TMPRSS11A: variants seen among roughly 807,000 people sequenced by gnomAD.
TMPRSS11A encodes transmembrane serine protease 11A, also known as transmembrane protease serine 11A.
TMPRSS11A carries 53 observed loss-of-function variants against 58.9 expected under a neutral mutation model. The observed-to-expected ratio is 0.90, with a 90% CI of 0.72 to 1.13. The LOEUF (loss-of-function observed/expected upper bound fraction) is 1.13, where lower values mean the gene tolerates loss of function less well. TMPRSS11A is among the 50% of genes most tolerant of loss of function. TMPRSS11A has a pLI of 0.00. For synonymous variants in TMPRSS11A, 167 were observed against 169.8 expected (o/e 0.98, Z 0.13); for missense variants, 493 against 499.3 (o/e 0.99, Z 0.12).
intron 9 of TMPRSS11A, 102 bp from the exon 10 acceptor site, chr4:67,911,605 C>T: frequency 1.3e-6 from 1 of 773,244 alleles, no homozygotes; most frequent in South Asian, 2.3e-5. Context: ...CTAGACAGTA[C>T]ATGTATAGAC....
chr4:67,955,345 T>C (rs1276024327), intron 1 of TMPRSS11A, among the ~76,000 whole-genome samples: 2 of 152,230 alleles, frequency 1.3e-5, no homozygotes, highest in Non-Finnish European at 2.9e-5. Flanking sequence ...GCAGTATTCG[T>C]GTGTGTTTAT....
intron 1 of TMPRSS11A, among the ~76,000 whole-genome samples, chr4:67,953,848 GA>G (rs1469305455): frequency 2.0e-5 from 3 of 151,988 alleles, no homozygotes; most frequent in African/African-American, 4.8e-5. Flanking sequence ...GAACAGTTTT[GA>G]AAAGGTGGCT....
chr4:67,922,136 T>C (rs1041005139), intron 7 of TMPRSS11A, among the ~76,000 whole-genome samples: 2 of 152,216 alleles, frequency 1.3e-5, no homozygotes, highest in South Asian at 2.1e-4. Flanking sequence ...GAAGGTCACA[T>C]TGAGTGGCCC....
intron 1 of TMPRSS11A, among the ~76,000 whole-genome samples, chr4:67,961,603 CAAGTTG>C (rs901195431): frequency 1.4e-5 from 2 of 145,214 alleles, no homozygotes; most frequent in Non-Finnish European, 3.0e-5. Context: ...CTCCGACTCC[CAAGTTG>C]AAGTGATTTT....
At chr4:67,952,824 A>G (rs1170895893) in intron 1 of TMPRSS11A, among the ~76,000 whole-genome samples, 3 of 152,230 alleles carry the variant, frequency 2.0e-5, no homozygotes, top group Admixed American at 6.5e-5. Flanking sequence ...TGAATAAATC[A>G]TACACAGCAT....
intron 3 of TMPRSS11A, 75 bp from the exon 4 acceptor site, chr4:67,932,135 A>G: frequency 2.4e-6 from 2 of 827,780 alleles, no homozygotes; most frequent in Non-Finnish European, 1.9e-6. Context: ...ATTAAATGTT[A>G]AAGCAATCAA....
Position 67,910,092 on chromosome 4 carries a change from T to C in TMPRSS11A, c.*1250A>G, listed in dbSNP as rs1191638819. On this transcript the variant is annotated 3_prime_UTR_variant, in exon 10 of 10. Transcript: ENST00000508048. ...TTGCCAAGCAGAATAATTGCTTCCA[T>C]AAAGCCTTAATTTAATTGTATTACG... 6.6e-6 allele frequency: 1 copy of C among 152,034 alleles called. No homozygotes were observed. Among genetic ancestry groups the C allele is most frequent in the Non-Finnish European group, 1.5e-5 (1 of 67,932 alleles). The allele number at this position is 152,034 out of a possible 1,614,324, so 9.4% of individuals were successfully genotyped here.
intron 3 of TMPRSS11A, among the ~76,000 whole-genome samples, chr4:67,936,350 G>GTTTTT (rs1720753177): frequency 1.2e-5 from 1 of 83,906 alleles, no homozygotes. Flanking sequence ...TTTTTTTTTG[G>GTTTTT]ATCCAAGAAG....
At chr4:67,951,388 T>C (rs1721157070) in intron 1 of TMPRSS11A, among the ~76,000 whole-genome samples, 1 of 152,178 alleles carries the variant, frequency 6.6e-6, no homozygotes, top group South Asian at 2.1e-4. Flanking sequence ...GTAACAAAGT[T>C]CTAAGTTGGC....
intron 1 of TMPRSS11A, among the ~76,000 whole-genome samples, chr4:67,950,885 A>G (rs1721139255): frequency 6.6e-6 from 1 of 152,258 alleles, no homozygotes; most frequent in Non-Finnish European, 1.5e-5. Context: ...CCTGATTATG[A>G]CTACTTGGCA....
At chr4:67,943,992 G>C (rs1577866762) in intron 3 of TMPRSS11A, among the ~76,000 whole-genome samples, 1 of 151,830 alleles carries the variant, frequency 6.6e-6, no homozygotes, top group South Asian at 2.1e-4. Flanking sequence ...TTTTCTTTTT[G>C]GGAGCAGTCT....
In TMPRSS11A at chr4:67,919,099, C is replaced by T. The variant is rs141761957; in HGVS notation, c.826G>A (p.Val276Met). The change falls in exon 8 of 10, where the codon GTG becomes ATG. Residue 276 changes from valine (V) to methionine (M), a missense_variant. Physicochemically the swap from Val to Met is conservative, Grantham distance 21. Transcript: ENST00000508048. ...AAGGTGACTCTGGAAGAGACCTGCA[C>T]AACAGCAATGTCGTACTCTCTTGCT... is the stretch of plus-strand genomic sequence containing the variant. The part of the protein sequence containing the change: ...SAAREYDIAV[V>M]QVSSRVTFSD... 3.1e-6 allele frequency: 5 copies of T among 1,614,196 alleles called. No homozygotes were observed. In the South Asian group the frequency reaches 3.3e-5, roughly 11 times the overall value.
intron 3 of TMPRSS11A, among the ~76,000 whole-genome samples, chr4:67,942,576 T>A (rs778436670): frequency 6.6e-6 from 1 of 152,220 alleles, no homozygotes; most frequent in East Asian, 1.9e-4. Flanking sequence ...CTAAACATAC[T>A]AAGACACTAA....
At chr4:67,921,089 A>T (rs1720316141) in intron 7 of TMPRSS11A, among the ~76,000 whole-genome samples, 1 of 152,192 alleles carries the variant, frequency 6.6e-6, no homozygotes, top group Admixed American at 6.5e-5. Flanking sequence ...GTTGTTCCAG[A>T]TTAAAAGAAA....
At chr4:67,955,542 T>C (rs1721266949) in intron 1 of TMPRSS11A, among the ~76,000 whole-genome samples, 1 of 152,216 alleles carries the variant, frequency 6.6e-6, no homozygotes. Flanking sequence ...ACAACATAAA[T>C]ATGCCTTCAC....
At position 67,922,745 on chromosome 4, in the gene TMPRSS11A, A is replaced by G; in HGVS notation, c.692+10T>C. 1.9e-6 allele frequency: 3 copies of G among 1,612,672 alleles called. No homozygotes were observed. Among genetic ancestry groups the G allele is most frequent in the Non-Finnish European group, 2.5e-6 (3 of 1,178,848 alleles). On this transcript the variant is annotated intron_variant, in intron 7 of 9. Transcript: ENST00000508048. ...CAGAAGTGGGTTCTAACTTAAGGTC[A>G]ATAACTTACTTCTGGAAGCAGTGTG...
At chr4:67,936,379 C>T (rs1410145508) in intron 3 of TMPRSS11A, among the ~76,000 whole-genome samples, 2 of 147,600 alleles carry the variant, frequency 1.4e-5, no homozygotes, top group Admixed American at 6.8e-5. Flanking sequence ...GAACCATTCT[C>T]TCAAGCCTGG....
At chr4:67,925,535 C>T (rs765492881) in intron 5 of TMPRSS11A, among the ~76,000 whole-genome samples, 171 of 152,260 alleles carry the variant, frequency 1.1e-3, no homozygotes, top group Middle Eastern at 6.8e-3. Context: ...ATAAACTCTA[C>T]AAAGTGGGAG....
At chr4:67,925,163 T>A (rs1238624403) in intron 5 of TMPRSS11A, among the ~76,000 whole-genome samples, 1 of 152,184 alleles carries the variant, frequency 6.6e-6, no homozygotes, top group East Asian at 1.9e-4. Context: ...TTGGACACAA[T>A]CCAAGATTAA....
Sources: allele counts gnomAD v4.1 joint callset (sites outside exome capture counted in the v4.1 genomes callset), GRCh38; gene constraint gnomAD v4.1.1; transcripts MANE v1.5; gene names NCBI Gene and HGNC (gene_info 2026-07-23, HGNC 2026-07-21).